MACROD1: variants seen among roughly 807,000 people sequenced by gnomAD.
MACROD1 encodes mono-ADP ribosylhydrolase 1.
MACROD1 carries 31 observed loss-of-function variants against 41.4 expected under a neutral mutation model. The observed-to-expected ratio is 0.75, with a 90% confidence interval of 0.56 to 1.01. The LOEUF is 1.01. MACROD1 is among the 50% of genes least tolerant of loss of function. MACROD1 has a pLI of 0.00. For missense variants in MACROD1, 473 were observed against 460.0 expected (o/e 1.03, Z -0.26); for synonymous variants, 252 against 203.4 (o/e 1.24, Z -2.03).
At chr11:64,135,753 C>T (rs866214504) in intron 3 of MACROD1, among the ~76,000 whole-genome samples, 2 of 152,148 alleles carry the variant, frequency 1.3e-5, no homozygotes, top group South Asian at 4.1e-4. Context: ...GGCCACCCAG[C>T]ACATGTTCCG....
intron 3 of MACROD1, among the ~76,000 whole-genome samples, chr11:64,132,963 G>A (rs1945286130): frequency 1.3e-5 from 2 of 152,182 alleles, no homozygotes; most frequent in Non-Finnish European, 2.9e-5. Context: ...GGTCTGTCCG[G>A]GTTCCCCCCA....
chr11:64,112,468 C>G (rs367592056), intron 3 of MACROD1, among the ~76,000 whole-genome samples: 1 of 152,168 alleles, frequency 6.6e-6, no homozygotes, highest in Non-Finnish European at 1.5e-5. Context: ...GACCCAAGAT[C>G]GCTCCACTGC....
intron 3 of MACROD1, among the ~76,000 whole-genome samples, chr11:64,039,350 C>T (rs1943441988): frequency 6.6e-6 from 1 of 152,184 alleles, no homozygotes; most frequent in African/African-American, 2.4e-5. Context: ...CTCTGGGAGG[C>T]CCAGGCCCCA....
intron 3 of MACROD1, among the ~76,000 whole-genome samples, chr11:64,043,066 A>G (rs1310878185): frequency 6.6e-6 from 1 of 152,122 alleles, no homozygotes; most frequent in Admixed American, 6.5e-5. Flanking sequence ...TTTGTTACTT[A>G]TCATCTGAGT....
chr11:64,022,583 T>G (rs1466975916), intron 3 of MACROD1, among the ~76,000 whole-genome samples: 1 of 152,168 alleles, frequency 6.6e-6, no homozygotes, highest in Admixed American at 6.5e-5. Flanking sequence ...TGTTTTAGAT[T>G]AGAAACACCC....
chr11:64,087,749 C>T (rs1281881894), intron 3 of MACROD1, among the ~76,000 whole-genome samples: 2 of 152,254 alleles, frequency 1.3e-5, no homozygotes, highest in Non-Finnish European at 2.9e-5. Context: ...CCACCCAGTA[C>T]ACAGAGCACG....
In MACROD1 at chr11:64,064,953, C is replaced by A. The variant is rs1943969820; in HGVS notation, c.518-49672G>T. ...AGGAGGGCCACCATGGTGACTGAGA[C>A]AGACTCAGGGTCTTTCCCTACACTC... On this transcript the variant is annotated intron_variant, in intron 3 of 10. Coordinates refer to ENST00000255681, the MANE Select transcript of MACROD1 (RefSeq NM_014067.4). This position sits in a 1 kb window ranked among gnomAD's most constrained non-coding sequence, Gnocchi z 4.5. 6.6e-6 allele frequency among the ~76,000 whole-genome samples: 1 copy of A among 151,572 alleles called. No homozygotes were observed. The highest frequency in any genetic ancestry group is 2.0e-4 in the East Asian group (1 of 5,104).
At chr11:64,165,576 G>C (rs951229547) in intron 1 of MACROD1, 121 bp downstream of exon 1, 1 of 872,154 alleles carries the variant, frequency 1.1e-6, no homozygotes, top group South Asian at 2.7e-5. Context: ...AGGGCAGATG[G>C]GGCCTCAACT....
At chr11:64,021,445 G>A (rs1252529516) in intron 3 of MACROD1, among the ~76,000 whole-genome samples, 1 of 152,204 alleles carries the variant, frequency 6.6e-6, no homozygotes, top group Non-Finnish European at 1.5e-5. Flanking sequence ...GCTGTGTGGG[G>A]GCCGGGACAT....
chr11:64,153,722 C>G (rs1320162532), intron 1 of MACROD1, among the ~76,000 whole-genome samples: 4 of 152,116 alleles, frequency 2.6e-5, no homozygotes, highest in African/African-American at 9.7e-5. Flanking sequence ...CCCTGGTCAG[C>G]CCCCACTGCT....
intron 3 of MACROD1, among the ~76,000 whole-genome samples, chr11:64,145,326 T>C (rs753133179): frequency 6.6e-5 from 10 of 152,082 alleles, no homozygotes; most frequent in Non-Finnish European, 1.3e-4. Flanking sequence ...GCAGAATTAA[T>C]TGGTCCCTGC....
intron 3 of MACROD1, among the ~76,000 whole-genome samples, chr11:64,099,474 A>G (rs955076407): frequency 7.9e-5 from 12 of 152,204 alleles, no homozygotes; most frequent in Non-Finnish European, 1.6e-4. Flanking sequence ...AGAGAAATGG[A>G]TGAATGGAGA....
chr11:64,089,122 G>A (rs1467043558), intron 3 of MACROD1, among the ~76,000 whole-genome samples: 1 of 152,220 alleles, frequency 6.6e-6, no homozygotes, highest in Admixed American at 6.5e-5. Flanking sequence ...CGGAAGGCAG[G>A]AGCCCAGGAG....
At chr11:64,023,240 A>C (rs1049318699) in intron 3 of MACROD1, among the ~76,000 whole-genome samples, 14 of 152,048 alleles carry the variant, frequency 9.2e-5, no homozygotes, top group Non-Finnish European at 1.8e-4. Context: ...CCCAGAGAAG[A>C]GAAATGACTT....
intron 1 of MACROD1, among the ~76,000 whole-genome samples, chr11:64,162,616 C>A (rs1005620383): frequency 2.0e-5 from 3 of 151,354 alleles, no homozygotes; most frequent in Admixed American, 6.6e-5. Flanking sequence ...AGATTGAGAC[C>A]ATCCTGGCTA....
intron 3 of MACROD1, among the ~76,000 whole-genome samples, chr11:64,089,057 G>A (rs562469095): frequency 2.6e-5 from 4 of 152,168 alleles, no homozygotes; most frequent in Admixed American, 6.5e-5. Context: ...CTCGTGCCCC[G>A]CCGGCTGTCC....
In MACROD1 at chr11:64,000,337, C is replaced by T. The variant is rs755029651; in HGVS notation, c.554G>A (p.Gly185Asp). 9.5e-6 allele frequency: 15 copies of T among 1,573,896 alleles called. No homozygotes were observed. Among genetic ancestry groups the T allele is most frequent in the Middle Eastern group, 4.0e-4 (2 of 5,050 alleles). The change falls in exon 5 of 11, where the codon GGC (glycine) becomes GAC (aspartate). Residue 185 changes from glycine (G) to aspartate (D), a missense_variant. Transcript: ENST00000255681. The stretch of plus-strand genomic sequence containing the variant: ...GGGGCCGGCGGCCCGATGAATGCAG[C>T]CGTCCACTGCGGGAAGGGCGGGCGC... ...SSLLGGGGVD[G>D]CIHRAAGPLL... is the part of the protein sequence containing the mutation.
chr11:64,151,307 AGCTGCTTGTCCTTTTT>A lies in MACROD1; in HGVS notation c.433_448del (p.Lys145SerfsTer99). 1 of 1,613,970 alleles carries A rather than the reference AGCTGCTTGTCCTTTTT, an allele frequency of 6.2e-7. No homozygotes were observed. Among genetic ancestry groups the A allele is most frequent in the Non-Finnish European group, 8.5e-7 (1 of 1,180,034 alleles). On this transcript the variant is annotated frameshift_variant, in exon 3 of 11. Coordinates refer to ENST00000255681, the MANE Select transcript of MACROD1 (RefSeq NM_014067.4). LOFTEE classifies it high-confidence loss of function. Reference sequence around the variant, plus strand: ...GCGGAGCAGGGAGATTTTCTCATTGAGCTGCTTGTCCTTTTTATACCTGGGCTCCTCCACCTTCACA... The same window carrying A: ...GCGGAGCAGGGAGATTTTCTCATTGAATACCTGGGCTCCTCCACCTTCACA...
In MACROD1 at chr11:64,118,047, A is replaced by G. The variant is rs150249733; in HGVS notation, c.517+33192T>C. 70 of 1,613,464 alleles carry G rather than the reference A, an allele frequency of 4.3e-5. No homozygotes were observed. The highest frequency in any genetic ancestry group is 5.7e-5 in the Non-Finnish European group (67 of 1,179,906). On this transcript the variant is annotated intron_variant, in intron 3 of 10. Transcript: ENST00000255681. Reference sequence around the variant, plus strand: ...CCGGGAGAGGGCCTACAACCGGGGCAGCAGGAAAAAGGATGACTATATGGA... The same window carrying G: ...CCGGGAGAGGGCCTACAACCGGGGCGGCAGGAAAAAGGATGACTATATGGA...
Sources: gnomAD v4.1 joint callset for allele counts (sites outside exome capture counted in the v4.1 genomes callset) on GRCh38, gnomAD v4.1.1 for gene constraint, Gnocchi (gnomAD v3.1) non-coding constraint, MANE v1.5 for transcripts, NCBI Gene and HGNC (gene_info 2026-07-23, HGNC 2026-07-21) for gene names.